Variants in GABRB1 observed in about 807,000 individuals in gnomAD.
GABRB1 encodes gamma-aminobutyric acid receptor subunit beta-1.
GABRB1 carries 17 observed loss-of-function variants against 51.6 expected under a neutral mutation model. The ratio of observed to expected loss-of-function variants is 0.33; its 90% CI spans 0.23 to 0.49. GABRB1 has a LOEUF of 0.49. Ranked by LOEUF, GABRB1 falls within the 20% of genes least tolerant of loss-of-function variation. GABRB1 has a pLI of 0.99. For missense variants in GABRB1, 410 were observed against 600.6 expected (o/e 0.68, Z 3.32); for synonymous variants, 247 against 218.9 (o/e 1.13, Z -1.14).
intron 3 of GABRB1, among the ~76,000 whole-genome samples, chr4:47,076,502 C>A (rs1287246988): frequency 1.3e-5 from 2 of 152,166 alleles, no homozygotes; most frequent in African/African-American, 4.8e-5. Context: ...TCCTTCAGAG[C>A]ACAGGAAAAC....
chr4:47,270,347 C>G (rs886716340), intron 4 of GABRB1, among the ~76,000 whole-genome samples: 1 of 152,080 alleles, frequency 6.6e-6, no homozygotes, highest in African/African-American at 2.4e-5. Context: ...AAAGTGAGTA[C>G]AAATCAGAAG....
intron 5 of GABRB1, among the ~76,000 whole-genome samples, chr4:47,331,206 A>T (rs114734299): frequency 6.6e-6 from 1 of 152,032 alleles, no homozygotes; most frequent in South Asian, 2.1e-4. Flanking sequence ...TAGTGCCTGT[A>T]GCTTTTTTGA....
chr4:47,382,994 A>T (rs1467167369), intron 5 of GABRB1, among the ~76,000 whole-genome samples: 1 of 152,242 alleles, frequency 6.6e-6, no homozygotes, highest in Admixed American at 6.5e-5. Context: ...CATGCCTACT[A>T]CAATAACCTC....
chr4:47,308,210 C>T (rs4254742), intron 4 of GABRB1, among the ~76,000 whole-genome samples: 147,447 of 152,096 alleles, frequency 0.97, 71,571 homozygotes, highest in East Asian at 1. Context: ...GAGGAAAAGG[C>T]ATCTGATATT....
chr4:47,098,552 A>G (rs1714570798), intron 3 of GABRB1, among the ~76,000 whole-genome samples: 2 of 152,154 alleles, frequency 1.3e-5, no homozygotes, highest in Admixed American at 6.6e-5. Context: ...CTGATTTATA[A>G]TAAAAAGCTG....
At chr4:47,222,826 A>G (rs1337849456) in intron 4 of GABRB1, among the ~76,000 whole-genome samples, 1 of 152,054 alleles carries the variant, frequency 6.6e-6, no homozygotes, top group African/African-American at 2.4e-5. Flanking sequence ...CTATAATTTT[A>G]TCTCTTTAAA....
At chr4:47,168,679 G>T (rs558638283) in intron 4 of GABRB1, among the ~76,000 whole-genome samples, 2 of 152,208 alleles carry the variant, frequency 1.3e-5, no homozygotes, top group African/African-American at 4.8e-5. Flanking sequence ...CAGATATATT[G>T]ACAGCGTGAT....
At chr4:47,138,101 T>C (rs905242073) in intron 3 of GABRB1, among the ~76,000 whole-genome samples, 1 of 152,084 alleles carries the variant, frequency 6.6e-6, no homozygotes, top group Non-Finnish European at 1.5e-5. Flanking sequence ...AAACCACCAC[T>C]GATTCTCCAT....
chr4:47,148,065 G>A (rs1026134454), intron 3 of GABRB1, among the ~76,000 whole-genome samples: 1 of 151,986 alleles, frequency 6.6e-6, no homozygotes, highest in Non-Finnish European at 1.5e-5. Flanking sequence ...GTCTACTTAG[G>A]AGCTTATTAT....
intron 4 of GABRB1, among the ~76,000 whole-genome samples, chr4:47,235,007 C>T (rs547314203): frequency 1.2e-4 from 18 of 152,240 alleles, no homozygotes; most frequent in Middle Eastern, 3.4e-3. Flanking sequence ...ATCTTGTATC[C>T]TTTGTATTCA....
At chr4:47,258,488 T>A (rs1722303689) in intron 4 of GABRB1, among the ~76,000 whole-genome samples, 2 of 152,160 alleles carry the variant, frequency 1.3e-5, no homozygotes, top group Admixed American at 1.3e-4. Context: ...TCTGGCAATG[T>A]GGCCACCATC....
At chr4:47,136,013 C>A (rs1386080923) in intron 3 of GABRB1, among the ~76,000 whole-genome samples, 1 of 152,042 alleles carries the variant, frequency 6.6e-6, no homozygotes, top group African/African-American at 2.4e-5. Flanking sequence ...GTTTTTGAGG[C>A]AGGGTCTCAC....
intron 4 of GABRB1, among the ~76,000 whole-genome samples, chr4:47,266,024 T>C (rs1415205143): frequency 6.6e-6 from 1 of 152,174 alleles, no homozygotes; most frequent in East Asian, 1.9e-4. Context: ...CTTAGGCCAA[T>C]GTCCAGAAGT....
intron 4 of GABRB1, among the ~76,000 whole-genome samples, chr4:47,246,304 A>T (rs1721740506): frequency 1.2e-5 from 1 of 82,674 alleles, no homozygotes; most frequent in East Asian, 3.5e-4. Context: ...ATATATACAC[A>T]CACACACACA....
chr4:47,098,181 CACACACACAT>C (rs1393724151), intron 3 of GABRB1, among the ~76,000 whole-genome samples: 1 of 128,414 alleles, frequency 7.8e-6, no homozygotes. Flanking sequence ...CACACACACA[CACACACACAT>C]GTTTTTCAGT....
intron 4 of GABRB1, among the ~76,000 whole-genome samples, chr4:47,190,143 CAG>C (rs1719380001): frequency 6.6e-6 from 1 of 152,040 alleles, no homozygotes; most frequent in African/African-American, 2.4e-5. Flanking sequence ...CTAGCTTTAC[CAG>C]GTTTGGTGAA....
chr4:47,128,733 G>T (rs1417064365), intron 3 of GABRB1, among the ~76,000 whole-genome samples: 2 of 151,940 alleles, frequency 1.3e-5, no homozygotes, highest in Non-Finnish European at 2.9e-5. Context: ...GTGGGACAAA[G>T]ACCTTTATTT....
intron 3 of GABRB1, among the ~76,000 whole-genome samples, chr4:47,061,203 G>A (rs1726832697): frequency 6.6e-6 from 1 of 152,136 alleles, no homozygotes; most frequent in South Asian, 2.1e-4. Context: ...GGTAAAATTT[G>A]ATTCTGTAAA....
intron 3 of GABRB1, among the ~76,000 whole-genome samples, chr4:47,113,704 G>A (rs950066645): frequency 7.9e-5 from 12 of 152,108 alleles, no homozygotes; most frequent in African/African-American, 2.4e-4. Context: ...CTCTAGTTGT[G>A]CCAGATTTCA....
Sources: gnomAD v4.1 joint callset for allele counts (sites outside exome capture counted in the v4.1 genomes callset) on GRCh38, gnomAD v4.1.1 for gene constraint, MANE v1.5 for transcripts, NCBI Gene and HGNC (gene_info 2026-07-23, HGNC 2026-07-21) for gene names.